Variants in PSD3 observed in about 807,000 individuals in gnomAD.
The protein encoded by PSD3 is pleckstrin and Sec7 domain containing 3.
In PSD3, 49 loss-of-function variants were observed where a neutral mutation model predicts 105.5. The ratio of observed to expected loss-of-function variants is 0.46; its 90% CI spans 0.37 to 0.59. PSD3 has a LOEUF of 0.59. Among genes scored for constraint, PSD3 ranks in the 20% least tolerant of loss-of-function variants. The pLI is 0.00. For missense variants in PSD3, 1,561 were observed against 1,263.8 expected, an observed-to-expected ratio of 1.24 and a Z score of -3.57; for synonymous variants, 557 against 457.8, an observed-to-expected ratio of 1.22 and a Z score of -2.77.
chr8:18,940,261 ACT>A, intron 1 of PSD3: 1 of 152,200 alleles, frequency 6.6e-6, no homozygotes, highest in South Asian at 2.1e-4. Flanking sequence ...TGGTCTTCGT[ACT>A]CTGTTGTATA....
exon 1 of PSD3, chr8:19,084,288 G>T: frequency 2.2e-6 from 1 of 456,310 alleles, no homozygotes; most frequent in Non-Finnish European, 4.4e-6. Flanking sequence ...CCATGCCCTT[G>T]TCGCCTGCGC....
intron 1 of PSD3, among the ~76,000 whole-genome samples, chr8:18,988,277 G>A (rs950364088): frequency 2.6e-5 from 4 of 152,024 alleles, no homozygotes; most frequent in East Asian, 1.9e-4. Flanking sequence ...CACTAGAATC[G>A]TGTAGTAAAG....
At chr8:18,545,401 C>G (rs1299996500) in intron 15 of PSD3, among the ~76,000 whole-genome samples, 2 of 151,770 alleles carry the variant, frequency 1.3e-5, no homozygotes, top group Non-Finnish European at 2.9e-5. Context: ...TTGACTATAG[C>G]TGAGTATAAA....
chr8:18,950,062 C>G (rs1417000872), intron 1 of PSD3, among the ~76,000 whole-genome samples: 1 of 152,128 alleles, frequency 6.6e-6, no homozygotes, highest in Non-Finnish European at 1.5e-5. Context: ...TGAGGGCAGT[C>G]AATAGGTGCC....
chr8:18,668,802 T>C lies in PSD3; in HGVS notation c.2173-13117A>G, dbSNP rs553295896. 6.6e-5 allele frequency among the ~76,000 whole-genome samples: 10 copies of C among 152,316 alleles called. No individual in the cohort carries two copies. The South Asian group carries it at 1.9e-3, about 28-fold the overall frequency. ...TATTTTAAATATAGATAATCAGTAA[T>C]AAATTTTGCAACTCTGATAAATGTC... On this transcript the variant is annotated intron_variant, in intron 9 of 15. Transcript: ENST00000327040.
intron 6 of PSD3, among the ~76,000 whole-genome samples, 153 bp from the exon 7 acceptor site, chr8:18,801,535 A>G (rs531750340): frequency 1.6e-4 from 25 of 152,324 alleles, no homozygotes; most frequent in African/African-American, 6.0e-4. Flanking sequence ...CATTTACTAG[A>G]CAGCCATTCA....
intron 2 of PSD3, among the ~76,000 whole-genome samples, chr8:18,898,109 T>C (rs947379081): frequency 2.0e-5 from 3 of 152,198 alleles, no homozygotes; most frequent in Non-Finnish European, 4.4e-5. Context: ...CCTTCTTACC[T>C]AACTTGCTGA....
chr8:18,572,129 T>A (rs1444439394), intron 14 of PSD3, among the ~76,000 whole-genome samples: 5 of 152,208 alleles, frequency 3.3e-5, no homozygotes, highest in Admixed American at 2.6e-4. Context: ...CCTGAAAATA[T>A]TTTTGTATTT....
chr8:18,861,806 A>C (rs1322144497), intron 4 of PSD3, among the ~76,000 whole-genome samples: 1 of 152,182 alleles, frequency 6.6e-6, no homozygotes, highest in Non-Finnish European at 1.5e-5. Flanking sequence ...TCTTACCACA[A>C]AACTGCACAT....
intron 3 of PSD3, among the ~76,000 whole-genome samples, chr8:18,871,347 T>G (rs1180501349): frequency 2.6e-5 from 4 of 152,188 alleles, no homozygotes; most frequent in African/African-American, 9.7e-5. Context: ...TAAGAAAATG[T>G]CAGAAAAGAA....
chr8:19,042,489 CA>C (rs1192967097), intron 1 of PSD3, among the ~76,000 whole-genome samples: 2 of 152,164 alleles, frequency 1.3e-5, no homozygotes, highest in South Asian at 2.1e-4. Flanking sequence ...ATTGAAATAT[CA>C]AAAAACTTAC....
chr8:18,965,268 T>G (rs2129471490), intron 1 of PSD3, among the ~76,000 whole-genome samples: 1 of 152,314 alleles, frequency 6.6e-6, no homozygotes. Context: ...CAACTGACTT[T>G]CACACTCAGT....
intron 12 of PSD3, among the ~76,000 whole-genome samples, chr8:18,579,141 A>AC (rs1802650906): frequency 8.5e-6 from 1 of 117,988 alleles, no homozygotes; most frequent in African/African-American, 3.1e-5. Flanking sequence ...CACAAAGGGC[A>AC]AAACCAAGAG....
chr8:18,563,865 A>G (rs895485026), intron 14 of PSD3, among the ~76,000 whole-genome samples: 1 of 152,198 alleles, frequency 6.6e-6, no homozygotes, highest in Non-Finnish European at 1.5e-5. Flanking sequence ...TCAGAAGGAC[A>G]TAAGATTACT....
chr8:18,917,263 G>A (rs1462778707), intron 2 of PSD3, among the ~76,000 whole-genome samples: 1 of 152,188 alleles, frequency 6.6e-6, no homozygotes, highest in Non-Finnish European at 1.5e-5. Flanking sequence ...AGGCAGAGAT[G>A]GAGATGGTTT....
chr8:18,672,580 TG>T (rs1412779094), intron 9 of PSD3, among the ~76,000 whole-genome samples: 1 of 152,224 alleles, frequency 6.6e-6, no homozygotes, highest in East Asian at 1.9e-4. Flanking sequence ...TAAATAGAAT[TG>T]CCAGTTTTTC....
intron 1 of PSD3, among the ~76,000 whole-genome samples, chr8:19,004,030 C>T (rs183498303): frequency 1.3e-5 from 2 of 152,042 alleles, no homozygotes; most frequent in African/African-American, 4.8e-5. Context: ...AATCTTCAGG[C>T]AGCCCTAGAA....
intron 2 of PSD3, among the ~76,000 whole-genome samples, chr8:18,923,283 G>A (rs572349230): frequency 5.9e-5 from 9 of 152,332 alleles, no homozygotes; most frequent in African/African-American, 1.9e-4. Flanking sequence ...TGGCCCATGG[G>A]CTGTGGGTTG....
At chr8:19,056,752 GA>G (rs1828721691) in intron 1 of PSD3, among the ~76,000 whole-genome samples, 1 of 152,146 alleles carries the variant, frequency 6.6e-6, no homozygotes, top group African/African-American at 2.4e-5. Context: ...ATCCCTTGCT[GA>G]CCCCTTCCTT....
Sources: allele counts gnomAD v4.1 joint callset (sites outside exome capture counted in the v4.1 genomes callset), GRCh38; gene constraint gnomAD v4.1.1; transcripts MANE v1.5; gene names NCBI Gene and HGNC (gene_info 2026-07-23, HGNC 2026-07-21).